ANK2: variants seen among roughly 807,000 people sequenced by gnomAD.
ANK2 encodes ankyrin-2.
A neutral mutation model predicts 360.5 loss-of-function variants in ANK2; 83 were observed. That is an observed-to-expected ratio of 0.23 (90% CI 0.19 to 0.28). ANK2 has a LOEUF of 0.28. Ranked by LOEUF, ANK2 falls within the 10% of genes least tolerant of loss-of-function variation. The pLI is 1.00. For missense variants in ANK2, 4,201 were observed against 4,795.7 expected (o/e 0.88, Z 3.66); for synonymous variants, 1,740 against 1,759.5 (o/e 0.99, Z 0.28).
chr4:112,890,556 GTTTTTTTTTTTTTTT>G (rs754680934), intron 1 of ANK2, among the ~76,000 whole-genome samples: 2 of 67,456 alleles, frequency 3.0e-5, no homozygotes, highest in Non-Finnish European at 5.0e-5. Context: ...CATTTCTGTG[GTTTTTTTTTTTTTTT>G]TTTTTTTTTT....
Position 113,357,208 on chromosome 4 carries a change from G to T in ANK2, c.8590G>T (p.Asp2864Tyr), listed in dbSNP as rs775472966. The T allele has an allele frequency of 1.2e-6, 2 of 1,614,050 alleles. No individual in the cohort carries two copies. Among genetic ancestry groups the T allele is most frequent in the South Asian group, 2.2e-5 (2 of 91,062 alleles). The change falls in exon 38 of 46, where the codon GAC (aspartate) becomes TAC (tyrosine). Residue 2864 changes from aspartate to tyrosine, a missense_variant. Transcript: ENST00000357077. ...LVSEGKELDEDISATSSIQKT... is the reference protein window; with the variant it reads ...LVSEGKELDEYISATSSIQKT... ...ATCTGAAGGAAAAGAATTAGATGAA[G>T]ACATATCTGCCACATCTTCTATTCA...
At chr4:112,970,559 T>C (rs2039147249) in intron 2 of ANK2, among the ~76,000 whole-genome samples, 1 of 152,202 alleles carries the variant, frequency 6.6e-6, no homozygotes, top group Non-Finnish European at 1.5e-5. Flanking sequence ...TTTCATCATA[T>C]TGGCCAGGCT....
chr4:112,875,130 T>C (rs1156780847), intron 1 of ANK2, among the ~76,000 whole-genome samples: 3 of 152,002 alleles, frequency 2.0e-5, no homozygotes, highest in Non-Finnish European at 4.4e-5. Flanking sequence ...CAAGTGATTG[T>C]TGTGCCTCAG....
intron 1 of ANK2, among the ~76,000 whole-genome samples, chr4:112,902,794 T>C (rs1004238158): frequency 2.6e-5 from 4 of 152,272 alleles, no homozygotes; most frequent in Admixed American, 6.5e-5. Flanking sequence ...TTTATAATTT[T>C]AATAGCTCCT....
chr4:113,344,425 G>C (rs930542102), intron 34 of ANK2, among the ~76,000 whole-genome samples: 1 of 152,148 alleles, frequency 6.6e-6, no homozygotes, highest in South Asian at 2.1e-4. Flanking sequence ...ACGAATTGGG[G>C]CCCTAATGCA....
At chr4:113,021,541 C>CACACACACATATATATATATAT (rs1489947974) in intron 2 of ANK2, among the ~76,000 whole-genome samples, 21 of 95,636 alleles carry the variant, frequency 2.2e-4, no homozygotes, top group African/African-American at 7.6e-4. Flanking sequence ...CACACACAAA[C>CACACACACATATATATATATAT]ATATATATAT....
At chr4:113,150,668 AC>A (rs2097033766) in intron 1 of ANK2, among the ~76,000 whole-genome samples, 2 of 152,220 alleles carry the variant, frequency 1.3e-5, no homozygotes, top group South Asian at 4.1e-4. Context: ...CTTCAGGATG[AC>A]AACTCAGCCT....
At chr4:113,276,907 G>A (rs72675218) in intron 15 of ANK2, among the ~76,000 whole-genome samples, 6,457 of 152,176 alleles carry the variant, frequency 0.042, 170 homozygotes, top group Non-Finnish European at 0.062. Context: ...GGCCCTGATC[G>A]GTGTTAGAAT....
Position 113,277,317 on chromosome 4 carries a change from T to C in ANK2, c.1684-520T>C, listed in dbSNP as rs189841737. 3.3e-5 allele frequency among the ~76,000 whole-genome samples: 5 copies of C among 152,362 alleles called. No individual in the cohort carries two copies. The East Asian group carries it at 9.6e-4, about 29-fold the overall frequency. ...TTAATAGTACATGTTTTTTGTTCTATAGACCATTTATCTTGCCATTTCTGC... is the reference window on the plus strand; with the variant it reads ...TTAATAGTACATGTTTTTTGTTCTACAGACCATTTATCTTGCCATTTCTGC... On this transcript the variant is annotated intron_variant, in intron 15 of 45. Transcript: ENST00000357077.
At chr4:113,312,586 C>T (rs1339606310) in intron 24 of ANK2, among the ~76,000 whole-genome samples, 4 of 151,748 alleles carry the variant, frequency 2.6e-5, no homozygotes, top group Admixed American at 2.6e-4. Context: ...TAGTGGTACA[C>T]ATAGAGTGCC....
chr4:112,764,810 C>T, the ANK2 span, among the ~76,000 whole-genome samples: 37 of 148,884 alleles, frequency 2.5e-4, no homozygotes, highest in South Asian at 1.1e-3. Context: ...GGGGTTCAAG[C>T]GATTCTCCTG....
At chr4:113,345,684 A>T (rs532536006) in intron 34 of ANK2, among the ~76,000 whole-genome samples, 65 of 152,312 alleles carry the variant, frequency 4.3e-4, no homozygotes, top group African/African-American at 1.6e-3. Flanking sequence ...AATATATGCA[A>T]TTTTTGTCTA....
the ANK2 span, among the ~76,000 whole-genome samples, chr4:112,715,014 T>G: frequency 0.066 from 9,992 of 152,230 alleles, 491 homozygotes; most frequent in African/African-American, 0.13. Context: ...AATCTGCAAT[T>G]GGGTAGGGGT....
chr4:113,189,640 T>G (rs995271084), intron 2 of ANK2, among the ~76,000 whole-genome samples: 4 of 152,218 alleles, frequency 2.6e-5, no homozygotes, highest in Non-Finnish European at 4.4e-5. Context: ...AGCAGGAGGA[T>G]AGGGCACACA....
chr4:113,129,737 T>A (rs2095889333), intron 1 of ANK2, among the ~76,000 whole-genome samples: 1 of 152,208 alleles, frequency 6.6e-6, no homozygotes, highest in African/African-American at 2.4e-5. Context: ...AACATTGTAC[T>A]TTTGAGATAT....
intron 2 of ANK2, among the ~76,000 whole-genome samples, chr4:112,946,939 A>G (rs1033396188): frequency 3.3e-5 from 5 of 152,218 alleles, no homozygotes; most frequent in Non-Finnish European, 7.3e-5. Flanking sequence ...AAGTTGAAGA[A>G]TAACAGCTTT....
intron 2 of ANK2, among the ~76,000 whole-genome samples, chr4:113,187,233 A>G (rs1479260224): frequency 6.6e-6 from 1 of 152,204 alleles, no homozygotes; most frequent in African/African-American, 2.4e-5. Context: ...TTGCAATGTG[A>G]TATTTCCTTT....
At chr4:112,860,613 T>G (rs1334319133) in intron 1 of ANK2, among the ~76,000 whole-genome samples, 1 of 152,182 alleles carries the variant, frequency 6.6e-6, no homozygotes, top group Non-Finnish European at 1.5e-5. Flanking sequence ...ATTACTAATA[T>G]TTTTGGGTCT....
At chr4:113,218,772 G>T (rs1354080819) in intron 4 of ANK2, among the ~76,000 whole-genome samples, 1 of 152,084 alleles carries the variant, frequency 6.6e-6, no homozygotes, top group South Asian at 2.1e-4. Flanking sequence ...AAATAATTTT[G>T]GGGGGTGTAA....
Sources: allele counts gnomAD v4.1 joint callset (sites outside exome capture counted in the v4.1 genomes callset), GRCh38; gene constraint gnomAD v4.1.1; transcripts MANE v1.5; gene names NCBI Gene and HGNC (gene_info 2026-07-23, HGNC 2026-07-21).